The following BACE2 variants were observed in gnomAD, a reference collection of about 807,000 sequenced individuals.
BACE2 encodes the protein 56 kDa aspartic-like protease.
Under a neutral mutation model 46.2 loss-of-function variants are expected in BACE2, and 17 were observed. The observed-to-expected ratio is 0.37, with a 90% CI of 0.25 to 0.55. BACE2 has a LOEUF of 0.55. Among genes scored for constraint, BACE2 ranks in the 20% least tolerant of loss-of-function variants. The pLI, the probability that BACE2 is intolerant of heterozygous loss-of-function variation, is 0.82. For synonymous variants in BACE2, 277 were observed against 295.9 expected (o/e 0.94, Z 0.66); for missense variants, 595 against 698.1 (o/e 0.85, Z 1.66).
intron 2 of BACE2, among the ~76,000 whole-genome samples, chr21:41,227,811 G>C (rs1986862286): frequency 6.7e-6 from 1 of 150,262 alleles, no homozygotes; most frequent in Admixed American, 6.6e-5. Flanking sequence ...AAGTCGTGGT[G>C]GTGTTTCTCT....
At chr21:41,210,043 C>T (rs1986249758) in intron 1 of BACE2, among the ~76,000 whole-genome samples, 1 of 152,032 alleles carries the variant, frequency 6.6e-6, no homozygotes, top group Non-Finnish European at 1.5e-5. Flanking sequence ...GTTTCAGCTG[C>T]AGAGGTAGTG....
intron 1 of BACE2, among the ~76,000 whole-genome samples, chr21:41,210,018 C>T (rs1467053476): frequency 2.6e-5 from 4 of 151,850 alleles, no homozygotes; most frequent in Non-Finnish European, 5.9e-5. Flanking sequence ...ACCAACCTAT[C>T]ACCCCAGGAA....
At chr21:41,217,927 G>T (rs1326038447) in intron 1 of BACE2, among the ~76,000 whole-genome samples, 1 of 152,180 alleles carries the variant, frequency 6.6e-6, no homozygotes. Flanking sequence ...GACAAGAAGG[G>T]CCCTCCCCTG....
chr21:41,255,085 A>G lies in BACE2; in HGVS notation c.1135-2073A>G, dbSNP rs191640763. On this transcript the variant is annotated intron_variant, in intron 7 of 8. Transcript: ENST00000330333. ...GGCTAAGAGAGAAAAGGACTGGCCC[A>G]GCACTATAGGGCCTGAGTAACTGGG... Among the ~76,000 whole-genome samples, 517 of 152,376 alleles carry G rather than the reference A, an allele frequency of 3.4e-3. 4 individuals are homozygous for G. The highest frequency in any genetic ancestry group is 5.2e-3 in the Non-Finnish European group (357 of 68,044).
Position 41,257,345 on chromosome 21 carries a change from G to C in BACE2, c.1303+19G>C. 1 of 1,610,194 alleles carries C rather than the reference G, an allele frequency of 6.2e-7. No individual in the cohort carries two copies. Among genetic ancestry groups the C allele is most frequent in the Non-Finnish European group, 8.5e-7 (1 of 1,177,962 alleles). On this transcript the variant is annotated intron_variant, in intron 8 of 8. Transcript: ENST00000330333. ...TGTGCAGGTGAGCGATTCTGGCATC[G>C]AACAGGGATCCCCGACAAGAGTCCT...
intron 1 of BACE2, among the ~76,000 whole-genome samples, chr21:41,209,963 T>C (rs547050335): frequency 6.6e-6 from 1 of 152,168 alleles, no homozygotes; most frequent in Non-Finnish European, 1.5e-5. Flanking sequence ...TGTGTGTTAT[T>C]TGGAAAGTTT....
At chr21:41,177,364 A>G (rs896694823) in intron 1 of BACE2, 2 of 152,240 alleles carry the variant, frequency 1.3e-5, no homozygotes, top group Non-Finnish European at 2.9e-5. Context: ...GTCAAAATAG[A>G]TATTCAGAAA....
Position 41,268,363 on chromosome 21 carries a change from T to C in BACE2, c.1304-7008T>C, listed in dbSNP as rs1036310397. 5.9e-5 allele frequency among the ~76,000 whole-genome samples: 9 copies of C among 152,302 alleles called. No homozygotes were observed. In the East Asian group the frequency reaches 1.7e-3, roughly 29 times the overall value. On this transcript the variant is annotated intron_variant, in intron 8 of 8. Transcript: ENST00000330333. ...TGGCCTCTCATAAATCAATCCAGTATAAAACATTAGAATCTGCTTTAAAAC... is the reference window on the plus strand; with the variant it reads ...TGGCCTCTCATAAATCAATCCAGTACAAAACATTAGAATCTGCTTTAAAAC...
rs192623674 is a variant in BACE2 at position 41,265,955 on chromosome 21, T to C, written c.1303+8629T>C. On this transcript the variant is annotated intron_variant, in intron 8 of 8. Transcript: ENST00000330333. ...ATGTGTGGATTAAACTTCTTTCCTC[T>C]AGGATAACTACCCCCATTGTTATAA... Among the ~76,000 whole-genome samples, 4 of 152,356 alleles carry C rather than the reference T, an allele frequency of 2.6e-5. No individual in the cohort carries two copies. The East Asian group carries it at 7.7e-4, about 29-fold the overall frequency.
At position 41,277,476 on chromosome 21, in the gene BACE2, C is replaced by T. The variant is rs1048249012; in HGVS notation, c.*1852C>T. ...TCATAATCTCAGAATGCATTTCACA[C>T]GGAGAGATGTCTGGAAGTCCAATTC... On this transcript the variant is annotated 3_prime_UTR_variant, in exon 9 of 9. Transcript: ENST00000330333. 4 of 152,304 alleles carry T rather than the reference C, an allele frequency of 2.6e-5. No homozygotes were observed. The highest frequency in any genetic ancestry group is 1.9e-4 in the East Asian group (1 of 5,174). The allele number at this position is 152,304 out of a possible 1,614,324, so 9.4% of individuals were successfully genotyped here. A position where few individuals can be genotyped will look rare whatever the true frequency, so the allele number is the denominator to read the frequency against.
chr21:41,204,953 G>A (rs1023711078), intron 1 of BACE2, among the ~76,000 whole-genome samples: 1 of 151,706 alleles, frequency 6.6e-6, no homozygotes, highest in Non-Finnish European at 1.5e-5. Flanking sequence ...TTTTCTTGTG[G>A]GTTTACCATG....
intron 1 of BACE2, among the ~76,000 whole-genome samples, chr21:41,212,580 T>C (rs1299349080): frequency 6.6e-6 from 1 of 152,162 alleles, no homozygotes; most frequent in Non-Finnish European, 1.5e-5. Flanking sequence ...AGTGCACATC[T>C]GGGGCTCAAC....
chr21:41,254,183 C>A (rs903599523), intron 7 of BACE2, among the ~76,000 whole-genome samples: 4 of 152,206 alleles, frequency 2.6e-5, no homozygotes, highest in Non-Finnish European at 5.9e-5. Flanking sequence ...TGTCTATACC[C>A]AACACTATTT....
Position 41,253,273 on chromosome 21 carries a change from C to G in BACE2, c.1134+2372C>G, listed in dbSNP as rs545857421. 4.6e-5 allele frequency among the ~76,000 whole-genome samples: 7 copies of G among 152,020 alleles called. No homozygotes were observed. In the East Asian group the frequency reaches 1.4e-3, roughly 29 times the overall value. On this transcript the variant is annotated intron_variant, in intron 7 of 8. Transcript: ENST00000330333. ...TGGACAACACAGTGAAACCCAGTCT[C>G]TACTAAAAATATAAAAATATTAGCT...
intron 1 of BACE2, among the ~76,000 whole-genome samples, chr21:41,197,274 T>G (rs2123522351): frequency 6.7e-6 from 1 of 148,860 alleles, no homozygotes; most frequent in East Asian, 2.0e-4. Flanking sequence ...AGGTTTTTTT[T>G]GTTTTTTTTT....
intron 3 of BACE2, among the ~76,000 whole-genome samples, chr21:41,240,470 C>T (rs1241962286): frequency 6.6e-6 from 1 of 152,250 alleles, no homozygotes; most frequent in African/African-American, 2.4e-5. Context: ...AAGTGCTTTA[C>T]AGGTATTGGC....
intron 1 of BACE2, among the ~76,000 whole-genome samples, chr21:41,198,962 G>A (rs1056406167): frequency 6.6e-6 from 1 of 151,376 alleles, no homozygotes; most frequent in Non-Finnish European, 1.5e-5. Flanking sequence ...ATGCTGGTGT[G>A]CTGCACCCAT....
intron 1 of BACE2, among the ~76,000 whole-genome samples, chr21:41,204,712 T>G (rs756289615): frequency 1.4e-4 from 21 of 152,212 alleles, no homozygotes; most frequent in Non-Finnish European, 2.9e-4. Context: ...ATACCATAAT[T>G]AAAGCAAACG....
At chr21:41,259,150 G>T (rs1175051471) in intron 8 of BACE2, among the ~76,000 whole-genome samples, 4 of 152,168 alleles carry the variant, frequency 2.6e-5, no homozygotes, top group Admixed American at 2.0e-4. Context: ...GTTGGAAATG[G>T]TGTAATATTA....
Sources: allele counts gnomAD v4.1 joint callset (sites outside exome capture counted in the v4.1 genomes callset), GRCh38; gene constraint gnomAD v4.1.1; transcripts MANE v1.5; gene names NCBI Gene and HGNC (gene_info 2026-07-23, HGNC 2026-07-21).